PIK3CB: variants seen among roughly 807,000 people sequenced by gnomAD.
PIK3CB encodes the protein phosphatidylinositol 4,5-bisphosphate 3-kinase catalytic subunit beta isoform.
In PIK3CB, 39 loss-of-function variants were observed where a neutral mutation model predicts 136.8. The observed-to-expected ratio is 0.29, with a 90% confidence interval of 0.22 to 0.37. PIK3CB has a LOEUF of 0.37. Among genes scored for constraint, PIK3CB ranks in the 10% least tolerant of loss-of-function variants. The probability of loss-of-function intolerance (pLI) is 1.00; values close to 1 mark genes in which losing one functional copy is unlikely to be tolerated. For missense variants in PIK3CB, 868 were observed against 1,275.4 expected, an observed-to-expected ratio of 0.68 and a Z score of 4.87; for synonymous variants, 428 against 436.6, an observed-to-expected ratio of 0.98 and a Z score of 0.25.
At chr3:138,667,237 C>T (rs1259328063) in intron 19 of PIK3CB, among the ~76,000 whole-genome samples, 2 of 147,266 alleles carry the variant, frequency 1.4e-5, no homozygotes, top group Admixed American at 1.4e-4. Context: ...AAAAGACTTC[C>T]ATGTGGAGGA....
intron 1 of PIK3CB, among the ~76,000 whole-genome samples, chr3:138,815,162 A>AAATATAT (rs1553743711): frequency 1.6e-5 from 1 of 62,472 alleles, no homozygotes; most frequent in Non-Finnish European, 3.0e-5. Context: ...AAAAAAAAAA[A>AAATATAT]ATATATATAT....
At chr3:138,785,675 G>A (rs1363773337) in intron 2 of PIK3CB, among the ~76,000 whole-genome samples, 1 of 152,060 alleles carries the variant, frequency 6.6e-6, no homozygotes, top group African/African-American at 2.4e-5. Context: ...GGACGCAAAC[G>A]CTGCGGAAGG....
intron 10 of PIK3CB, among the ~76,000 whole-genome samples, chr3:138,711,498 G>C (rs1479864056): frequency 7.2e-6 from 1 of 138,852 alleles, no homozygotes; most frequent in Non-Finnish European, 1.5e-5. Flanking sequence ...AGAATCGCTT[G>C]AACCTGGGAG....
At chr3:138,690,921 T>C (rs2043994623) in intron 15 of PIK3CB, 79 bp downstream of exon 15, 2 of 1,158,842 alleles carry the variant, frequency 1.7e-6, no homozygotes. Context: ...AAAGCAGCTA[T>C]TTTTCTATTA....
At chr3:138,737,162 T>C (rs188438843) in intron 6 of PIK3CB, among the ~76,000 whole-genome samples, 44 of 151,682 alleles carry the variant, frequency 2.9e-4, no homozygotes, top group Non-Finnish European at 5.6e-4. Flanking sequence ...GCCAAGCAAG[T>C]TGGGCGGATC....
chr3:138,779,527 G>A (rs961999919), intron 2 of PIK3CB, among the ~76,000 whole-genome samples: 3 of 151,350 alleles, frequency 2.0e-5, no homozygotes, highest in Non-Finnish European at 2.9e-5. Context: ...GAGTAGTTGG[G>A]ACCACAGGTG....
At chr3:138,683,521 T>C (rs545977119) in intron 18 of PIK3CB, among the ~76,000 whole-genome samples, 157 bp downstream of exon 18, 81 of 152,156 alleles carry the variant, frequency 5.3e-4, no homozygotes, top group African/African-American at 1.9e-3. Flanking sequence ...AAAAAAAGCA[T>C]TTAGGACATG....
At chr3:138,748,432 T>C (rs1255551494) in intron 4 of PIK3CB, among the ~76,000 whole-genome samples, 1 of 152,136 alleles carries the variant, frequency 6.6e-6, no homozygotes, top group Non-Finnish European at 1.5e-5. Flanking sequence ...TCTGCCAAGC[T>C]CAAGTTCTTT....
In PIK3CB at chr3:138,786,313, T is replaced by C. The variant is rs574666552; in HGVS notation, c.-17+10150A>G. ...CATTCACTAATAATCCTTAAAACTT[T>C]GAATAAAAAGTTTAGGTCCTTTTTG... On this transcript the variant is annotated intron_variant, in intron 2 of 23. Transcript: ENST00000674063. Among the ~76,000 whole-genome samples the C allele has an allele frequency of 3.5e-4, 53 of 152,292 alleles. 1 individual carries two copies. The South Asian group carries it at 0.011, about 32-fold the overall frequency.
At chr3:138,778,454 G>A in intron 2 of PIK3CB, 1 of 243,074 alleles carries the variant, frequency 4.1e-6, no homozygotes, top group Non-Finnish European at 8.2e-6. Context: ...TACTGGTGCT[G>A]CCAAAGCTGT....
At chr3:138,725,841 T>C (rs1457652959) in intron 8 of PIK3CB, among the ~76,000 whole-genome samples, 1 of 152,240 alleles carries the variant, frequency 6.6e-6, no homozygotes, top group African/African-American at 2.4e-5. Flanking sequence ...CTGACGTCTA[T>C]TGAACTATCA....
intron 3 of PIK3CB, among the ~76,000 whole-genome samples, chr3:138,758,259 A>G (rs2045608340): frequency 6.6e-6 from 1 of 152,222 alleles, no homozygotes; most frequent in South Asian, 2.1e-4. Flanking sequence ...ATTGAGGGAA[A>G]GGGGCAGTTA....
chr3:138,742,933 A>G, intron 4 of PIK3CB, 152 bp from the exon 5 acceptor site: 2 of 517,284 alleles, frequency 3.9e-6, no homozygotes, highest in South Asian at 6.5e-5. Flanking sequence ...AATACCATTA[A>G]AGATCAAAAA....
intron 3 of PIK3CB, among the ~76,000 whole-genome samples, chr3:138,758,927 TAA>T (rs1232615457): frequency 1.3e-5 from 2 of 152,116 alleles, no homozygotes; most frequent in Non-Finnish European, 2.9e-5. Flanking sequence ...ATCACATTTT[TAA>T]AAGTGTGACA....
intron 10 of PIK3CB, among the ~76,000 whole-genome samples, chr3:138,710,162 T>G (rs2044468199): frequency 6.6e-6 from 1 of 151,886 alleles, no homozygotes; most frequent in Admixed American, 6.6e-5. Flanking sequence ...CCAGCCTGGG[T>G]GACAGGGTGA....
At chr3:138,705,821 T>C (rs1576341123) in intron 11 of PIK3CB, among the ~76,000 whole-genome samples, 4 of 152,258 alleles carry the variant, frequency 2.6e-5, no homozygotes, top group African/African-American at 9.6e-5. Context: ...GGCATGACCA[T>C]AGGTCACTGC....
At chr3:138,834,504 C>T (rs551022361) in intron 1 of PIK3CB, among the ~76,000 whole-genome samples, 191 bp downstream of exon 1, 5 of 152,300 alleles carry the variant, frequency 3.3e-5, no homozygotes, top group South Asian at 2.1e-4. Flanking sequence ...CCAAGCCAGA[C>T]GCCCCCACCG....
At chr3:138,799,541 C>T (rs2046148787) in intron 1 of PIK3CB, among the ~76,000 whole-genome samples, 1 of 152,090 alleles carries the variant, frequency 6.6e-6, no homozygotes, top group African/African-American at 2.4e-5. Flanking sequence ...TTAAAACCTT[C>T]CAAAGGCTTC....
chr3:138,744,114 G>A (rs1012205540), intron 4 of PIK3CB, among the ~76,000 whole-genome samples: 5 of 151,944 alleles, frequency 3.3e-5, no homozygotes, highest in East Asian at 1.9e-4. Flanking sequence ...TGGATTGGTC[G>A]GGCGCAGTGG....
Sources: gnomAD v4.1 joint callset for allele counts (sites outside exome capture counted in the v4.1 genomes callset) on GRCh38, gnomAD v4.1.1 for gene constraint, MANE v1.5 for transcripts, NCBI Gene and HGNC (gene_info 2026-07-23, HGNC 2026-07-21) for gene names.